The following CLSTN3 variants were observed in gnomAD, a reference collection of about 807,000 sequenced individuals.
The protein encoded by CLSTN3 is calsyntenin-3.
Under a neutral mutation model 95.9 loss-of-function variants are expected in CLSTN3, and 36 were observed. That is an observed-to-expected ratio of 0.38 (90% CI 0.29 to 0.50). CLSTN3 has a LOEUF of 0.50. Ranked by LOEUF, CLSTN3 falls within the 20% of genes least tolerant of loss-of-function variation. CLSTN3 has a pLI of 0.95. For synonymous variants in CLSTN3, 481 were observed against 504.0 expected (o/e 0.95, Z 0.61); for missense variants, 1,084 against 1,268.8 (o/e 0.85, Z 2.21).
intron 3 of CLSTN3, chr12:7,134,052 G>T (rs114240989): frequency 1.7e-3 from 596 of 348,794 alleles, no homozygotes; most frequent in African/African-American, 0.012. Context: ...GTAGAATGGA[G>T]ATTGTGATGA....
At chr12:7,156,621 C>A (rs1423857575) in intron 16 of CLSTN3, 2 of 456,540 alleles carry the variant, frequency 4.4e-6, no homozygotes, top group African/African-American at 4.0e-5. Context: ...GGCGTGGCAA[C>A]CTTTGTGCAG....
chr12:7,141,359 C>G lies in CLSTN3; in HGVS notation c.1441C>G (p.Pro481Ala), dbSNP rs1939523196. ...CATCCATGACAATGGCCTCATCCAC[C>G]CACCCCGAAGGGAGCCTGCTCTCAT... ...ALIHDNGLIH[P>A]PRREPALMIG... Residue 481 changes from proline to alanine, a missense_variant, in exon 9 of 18, where the codon CCA becomes GCA. Pro to Ala is a conservative substitution (Grantham distance 27, BLOSUM62 -1). Transcript: ENST00000266546. The surrounding 1 kb of genome is among the most constrained non-coding windows in gnomAD (Gnocchi z 4.1). 6.2e-7 allele frequency: 1 copy of G among 1,614,052 alleles called. No homozygotes were observed. Among genetic ancestry groups the G allele is most frequent in the African/African-American group, 1.3e-5 (1 of 74,904 alleles).
chr12:7,149,239 G>A lies in CLSTN3; in HGVS notation c.2074+41G>A. On this transcript the variant is annotated intron_variant, in intron 13 of 17. Coordinates refer to ENST00000266546, the MANE Select transcript of CLSTN3 (RefSeq NM_014718.4). The surrounding 1 kb of genome is among the most constrained non-coding windows in gnomAD (Gnocchi z 4.5). ...GGGAGTAACACCATCCAGAGAACCA[G>A]CCAGTGTCTGGAGTCAGAGTGTGGG... 1 of 1,533,820 alleles carries A rather than the reference G, an allele frequency of 6.5e-7. No homozygotes were observed. Among genetic ancestry groups the A allele is most frequent in the South Asian group, 1.1e-5 (1 of 87,762 alleles).
At position 7,149,987 on chromosome 12, in the gene CLSTN3, A is replaced by G. The variant is rs949437950; in HGVS notation, c.2245+294A>G. ...TCACCTTCCTCTCCTCCTTCGGCTCATCTCTGCCCAGCTTTCTAACCCTCT... is the reference window on the plus strand; with the variant it reads ...TCACCTTCCTCTCCTCCTTCGGCTCGTCTCTGCCCAGCTTTCTAACCCTCT... On this transcript the variant is annotated intron_variant, in intron 14 of 17. Transcript: ENST00000266546. This position sits in a 1 kb window ranked among gnomAD's most constrained non-coding sequence, Gnocchi z 4.5. 1.3e-5 allele frequency among the ~76,000 whole-genome samples: 2 copies of G among 152,052 alleles called. No individual in the cohort carries two copies. The highest frequency in any genetic ancestry group is 4.8e-5 in the African/African-American group (2 of 41,390).
intron 16 of CLSTN3, among the ~76,000 whole-genome samples, chr12:7,152,818 A>T (rs1236631024): frequency 1.3e-5 from 2 of 152,200 alleles, no homozygotes; most frequent in African/African-American, 4.8e-5. Context: ...TGCCTTACCC[A>T]AGTTCACGCA....
chr12:7,132,004 A>G (rs973394669), intron 1 of CLSTN3, among the ~76,000 whole-genome samples: 11 of 151,878 alleles, frequency 7.2e-5, no homozygotes, highest in African/African-American at 2.7e-4. Context: ...TGTTGGCATG[A>G]TGATGGGATT....
rs1021663167 is a variant in CLSTN3, at chr12:7,149,421, G to A, written c.2075-102G>A. The stretch of plus-strand genomic sequence containing the variant: ...AAATGATGCTGACTTCCCTCTCCCT[G>A]GCCCTGGAAAGGGAGGGAGAGTGGT... On this transcript the variant is annotated intron_variant, in intron 13 of 17. Coordinates refer to ENST00000266546, the MANE Select transcript of CLSTN3 (RefSeq NM_014718.4). The surrounding 1 kb of genome is among the most constrained non-coding windows in gnomAD (Gnocchi z 4.5). The A allele has an allele frequency of 1.1e-5, 13 of 1,136,626 alleles. No homozygotes were observed. In the African/African-American group the frequency reaches 1.7e-4, roughly 15 times the overall value. 70.4% of individuals were successfully genotyped at this position (1,136,626 alleles called of 1,614,324 possible).
rs764858222 is a variant in CLSTN3 at position 7,136,893 on chromosome 12, A to G, written c.993A>G (p.Gly331=). 1 of 1,610,670 alleles carries G rather than the reference A, an allele frequency of 6.2e-7. No individual in the cohort carries two copies. Among genetic ancestry groups the G allele is most frequent in the Non-Finnish European group, 8.5e-7 (1 of 1,179,066 alleles). Residue 331 remains glycine (G), a synonymous_variant, in exon 7 of 18, where the codon GGA becomes GGG. Transcript: ENST00000266546. ...GCCCCAATGCCAACTGGACAGCAGG[A>G]CTCTCGGTGCACTACAGCCAGGACA... The part of the protein sequence containing the change: ...MPGPNANWTA[G]LSVHYSQDSS...
At position 7,157,023 on chromosome 12, in the gene CLSTN3, C is replaced by T. The variant is rs1939829769; in HGVS notation, c.2528-466C>T. ...TCCTGCAGCCAGCCCAGGCCTGGAG[C>T]CTGCATCTCCTCCTGCTCAGCCAAG... is the stretch of plus-strand genomic sequence containing the variant. On this transcript the variant is annotated intron_variant, in intron 16 of 17. Coordinates refer to ENST00000266546, the MANE Select transcript of CLSTN3 (RefSeq NM_014718.4). This position sits in a 1 kb window ranked among gnomAD's most constrained non-coding sequence, Gnocchi z 5.9. 5.6e-6 allele frequency: 2 copies of T among 357,338 alleles called. No individual in the cohort carries two copies. Among genetic ancestry groups the T allele is most frequent in the Non-Finnish European group, 1.1e-5 (2 of 181,420 alleles). The allele number at this position is 357,338 out of a possible 1,614,324, so 22.1% of individuals were successfully genotyped here. A position where few individuals can be genotyped will look rare whatever the true frequency, so the allele number is the denominator to read the frequency against.
Position 7,130,538 on chromosome 12 carries a change from T to A in CLSTN3, c.-111T>A, listed in dbSNP as rs71445143. The stretch of plus-strand genomic sequence containing the variant: ...AGGCTCCTTTCCGTCCCTGCCCTGC[T>A]GTACCCCGCTCCTTGGAGACCCCCT... On this transcript the variant is annotated 5_prime_UTR_variant, in exon 1 of 18. Coordinates refer to ENST00000266546, the MANE Select transcript of CLSTN3 (RefSeq NM_014718.4). 156,781 of 1,544,454 alleles carry A rather than the reference T, an allele frequency of 0.1. 8,962 individuals are homozygous for A. Among genetic ancestry groups the A allele is most frequent in the Non-Finnish European group, 0.12 (133,304 of 1,146,588 alleles).
At position 7,157,843 on chromosome 12, in the gene CLSTN3, C is replaced by T; in HGVS notation, c.2731-98C>T. 1 of 1,517,088 alleles carries T rather than the reference C, an allele frequency of 6.6e-7. No homozygotes were observed. The highest frequency in any genetic ancestry group is 8.9e-7 in the Non-Finnish European group (1 of 1,129,408). 94.0% of individuals were successfully genotyped at this position (1,517,088 alleles called of 1,614,324 possible). ...AGGTTCAGGCAGGGAAGGGGGTACACAGGGGTTAAGGGGACCGAGGGAAGT... is the reference window on the plus strand; with the variant it reads ...AGGTTCAGGCAGGGAAGGGGGTACATAGGGGTTAAGGGGACCGAGGGAAGT... On this transcript the variant is annotated intron_variant, in intron 17 of 17. Coordinates refer to ENST00000266546, the MANE Select transcript of CLSTN3 (RefSeq NM_014718.4). This position sits in a 1 kb window ranked among gnomAD's most constrained non-coding sequence, Gnocchi z 5.9.
upstream of CLSTN3, chr12:7,129,947 C>G (rs1939247467): frequency 1.8e-5 from 6 of 341,174 alleles, no homozygotes; most frequent in South Asian, 6.7e-4. This position sits in a 1 kb window ranked among gnomAD's most constrained non-coding sequence, Gnocchi z 5.5. Flanking sequence ...CAGGATTTCT[C>G]AGGCTCAGAC....
chr12:7,136,735 CTT>C, intron 6 of CLSTN3, 92 bp from the exon 7 acceptor site: 1 of 1,413,344 alleles, frequency 7.1e-7, no homozygotes, highest in East Asian at 2.3e-5. Context: ...TGTAGGAAAT[CTT>C]TTCCCATCAG....
chr12:7,151,114 G>C, intron 16 of CLSTN3, 51 bp downstream of exon 16: 2 of 1,491,856 alleles, frequency 1.3e-6, no homozygotes, highest in South Asian at 1.3e-5. Flanking sequence ...GCAGGTGAGT[G>C]TGTTGGGACA....
chr12:7,156,873 C>T (rs1259910229), intron 16 of CLSTN3: 8 of 455,232 alleles, frequency 1.8e-5, no homozygotes, highest in Non-Finnish European at 3.1e-5. Flanking sequence ...CCCCAGACGT[C>T]CCGGAGCCCC....
intron 5 of CLSTN3, 122 bp downstream of exon 5, chr12:7,136,075 G>A (rs1286471296): frequency 2.0e-6 from 3 of 1,491,740 alleles, no homozygotes; most frequent in Non-Finnish European, 2.7e-6. Context: ...CAGGCTTGCA[G>A]CTATCTACTC....
At chr12:7,130,318 GT>G, upstream of CLSTN3, 4 of 721,708 alleles carry the variant, frequency 5.5e-6, no homozygotes, top group Non-Finnish European at 5.3e-6. Flanking sequence ...CCCCCTCCCA[GT>G]CACCTGATTG....
rs1029201939 is a variant in CLSTN3 at position 7,136,537 on chromosome 12, C to G, written c.928+146C>G. On this transcript the variant is annotated intron_variant, in intron 6 of 17. Transcript: ENST00000266546. Reference sequence around the variant, plus strand: ...TGTGACACGATTAGCATTTGCGGCCCAAAAGGCAGGTACATATGTCTTTGG... The same window carrying G: ...TGTGACACGATTAGCATTTGCGGCCGAAAAGGCAGGTACATATGTCTTTGG... 6.8e-6 allele frequency: 6 copies of G among 884,144 alleles called. No homozygotes were observed. In the African/African-American group the frequency reaches 1.0e-4, roughly 15 times the overall value. 54.8% of individuals were successfully genotyped at this position (884,144 alleles called of 1,614,324 possible).
chr12:7,136,869 C>G lies in CLSTN3; in HGVS notation c.969C>G (p.Gly323=). 2 of 1,614,128 alleles carry G rather than the reference C, an allele frequency of 1.2e-6. No homozygotes were observed. The highest frequency in any genetic ancestry group is 1.7e-6 in the Non-Finnish European group (2 of 1,180,010). ...TGEVDLLPMP[G]PNANWTAGLS... is the part of the protein sequence containing the mutation. ...AGGTGGATCTGTTGCCCATGCCTGG[C>G]CCCAATGCCAACTGGACAGCAGGAC... The change falls in exon 7 of 18, where the codon GGC becomes GGG. Residue 323 remains glycine, a synonymous_variant. Transcript: ENST00000266546.
Sources: gnomAD v4.1 joint callset for allele counts (sites outside exome capture counted in the v4.1 genomes callset) on GRCh38, gnomAD v4.1.1 for gene constraint, Gnocchi (gnomAD v3.1) non-coding constraint, MANE v1.5 for transcripts, NCBI Gene and HGNC (gene_info 2026-07-23, HGNC 2026-07-21) for gene names.